DPYD: variants seen among roughly 807,000 people sequenced by gnomAD.
DPYD encodes the protein dihydropyrimidine dehydrogenase [NADP(+)].
In DPYD, 109 loss-of-function variants were observed where a neutral mutation model predicts 116.2. The ratio of observed to expected loss-of-function variants is 0.94; its 90% CI spans 0.80 to 1.10. The LOEUF (loss-of-function observed/expected upper bound fraction) is 1.10. Among genes scored for constraint, DPYD ranks in the 50% least tolerant of loss-of-function variants. The probability of loss-of-function intolerance (pLI) is 0.00; values close to 1 mark genes in which losing one functional copy is unlikely to be tolerated. For missense variants in DPYD, 1,302 were observed against 1,254.5 expected (o/e 1.04, Z -0.57); for synonymous variants, 440 against 432.0 (o/e 1.02, Z -0.23).
chr1:97,551,741 T>C (rs527906387), intron 11 of DPYD, among the ~76,000 whole-genome samples: 1 of 152,212 alleles, frequency 6.6e-6, no homozygotes, highest in South Asian at 2.1e-4. Flanking sequence ...GTCAAAGACA[T>C]GTTTACAGTC....
intron 20 of DPYD, among the ~76,000 whole-genome samples, chr1:97,184,045 G>A (rs1419747012): frequency 6.6e-6 from 1 of 152,012 alleles, no homozygotes; most frequent in Non-Finnish European, 1.5e-5. Flanking sequence ...GCATTAGTTT[G>A]CTAAAAATAA....
At chr1:97,883,522 C>A in intron 1 of DPYD, 148 bp from the exon 2 acceptor site, 1 of 656,618 alleles carries the variant, frequency 1.5e-6, no homozygotes, top group Non-Finnish European at 2.6e-6. Context: ...TCTCAGTTCA[C>A]TGCAACCTCT....
intron 12 of DPYD, among the ~76,000 whole-genome samples, chr1:97,540,833 C>A (rs1017499025): frequency 6.6e-6 from 1 of 152,142 alleles, no homozygotes; most frequent in African/African-American, 2.4e-5. Flanking sequence ...TCAGTCAACT[C>A]ATTAGCATAC....
chr1:97,515,869 T>C lies in DPYD; in HGVS notation c.1597A>G (p.Ile533Val). The C allele has an allele frequency of 6.2e-7, 1 of 1,612,964 alleles. No individual in the cohort carries two copies. Among genetic ancestry groups the C allele is most frequent in the Non-Finnish European group, 8.5e-7 (1 of 1,179,256 alleles). ...TTCAATCCGGCCATTTCTACACTAA[T>C]GTCCACCAGATCAATAGGAGTGTAA... ...LFYTPIDLVD[I>V]SVEMAGLKFI... The change falls in exon 13 of 23, where the codon ATT (isoleucine) becomes GTT (valine). Residue 533 changes from isoleucine to valine, a missense_variant. By Grantham distance (29) the Ile-to-Val change is conservative. Coordinates refer to ENST00000370192, the MANE Select transcript of DPYD (RefSeq NM_000110.4).
intron 8 of DPYD, among the ~76,000 whole-genome samples, chr1:97,603,642 C>G (rs1240059564): frequency 2.0e-5 from 3 of 152,102 alleles, no homozygotes; most frequent in African/African-American, 7.2e-5. Context: ...AAATGTAACT[C>G]ACATTCATTG....
intron 12 of DPYD, among the ~76,000 whole-genome samples, chr1:97,536,663 T>C (rs1264277241): frequency 6.6e-6 from 1 of 152,212 alleles, no homozygotes; most frequent in Non-Finnish European, 1.5e-5. Context: ...TTTGCCTGGC[T>C]AGGAGATTTG....
At chr1:97,481,498 CA>C (rs1678310246) in intron 13 of DPYD, among the ~76,000 whole-genome samples, 1 of 151,942 alleles carries the variant, frequency 6.6e-6, no homozygotes, top group Non-Finnish European at 1.5e-5. Flanking sequence ...GAACATTTCA[CA>C]GTGACAAAAA....
chr1:97,702,356 T>A (rs1001134227), intron 5 of DPYD, among the ~76,000 whole-genome samples: 2 of 151,766 alleles, frequency 1.3e-5, no homozygotes, highest in African/African-American at 4.8e-5. Context: ...GGATCTCTGA[T>A]CAGGGAACAG....
chr1:97,658,782 C>A (rs990863739), intron 8 of DPYD, among the ~76,000 whole-genome samples: 1 of 152,124 alleles, frequency 6.6e-6, no homozygotes, highest in African/African-American at 2.4e-5. Flanking sequence ...CCCAACTTTT[C>A]TAACCTACTA....
intron 18 of DPYD, among the ~76,000 whole-genome samples, chr1:97,288,335 C>T (rs912491653): frequency 6.6e-6 from 1 of 150,936 alleles, no homozygotes; most frequent in African/African-American, 2.4e-5. Context: ...ACCAAGGGGA[C>T]CTAATAGACA....
chr1:97,767,493 CTGTTT>C (rs1665926778), intron 3 of DPYD, among the ~76,000 whole-genome samples: 3 of 10,790 alleles, frequency 2.8e-4, no homozygotes, highest in Non-Finnish European at 8.7e-4. Context: ...TCTGCATGTT[CTGTTT>C]CCTCTCTGGA....
chr1:97,804,349 G>A (rs912301018), intron 3 of DPYD, among the ~76,000 whole-genome samples: 3 of 151,762 alleles, frequency 2.0e-5, no homozygotes, highest in Non-Finnish European at 4.4e-5. Context: ...AGACACGCTT[G>A]TGAGTAGTGA....
intron 18 of DPYD, among the ~76,000 whole-genome samples, chr1:97,270,119 T>C (rs1664484202): frequency 6.6e-6 from 1 of 152,128 alleles, no homozygotes; most frequent in Admixed American, 6.6e-5. Context: ...CAGAGTGGCA[T>C]ATAGAAAGCA....
intron 21 of DPYD, among the ~76,000 whole-genome samples, chr1:97,088,985 G>A: frequency 6.6e-6 from 1 of 152,066 alleles, no homozygotes; most frequent in East Asian, 1.9e-4. Flanking sequence ...ATGCTCCATA[G>A]TATCCAATAT....
chr1:97,900,523 C>T (rs1471611312), intron 1 of DPYD, among the ~76,000 whole-genome samples: 1 of 151,824 alleles, frequency 6.6e-6, no homozygotes, highest in African/African-American at 2.4e-5. Flanking sequence ...ATCACATCAG[C>T]TTAAGTATTT....
chr1:97,789,011 C>A (rs1667183810), intron 3 of DPYD, among the ~76,000 whole-genome samples: 1 of 152,054 alleles, frequency 6.6e-6, no homozygotes, highest in African/African-American at 2.4e-5. Flanking sequence ...ACCACGTTAC[C>A]CAGGCTGGTC....
chr1:97,559,392 G>A (rs967793415), intron 11 of DPYD, among the ~76,000 whole-genome samples: 18 of 152,008 alleles, frequency 1.2e-4, no homozygotes, highest in Admixed American at 1.0e-3. Context: ...TAAATCAAAT[G>A]GAAAAGATTC....
chr1:97,135,792 T>C (rs1653743243), intron 20 of DPYD, among the ~76,000 whole-genome samples: 1 of 152,202 alleles, frequency 6.6e-6, no homozygotes, highest in Non-Finnish European at 1.5e-5. Flanking sequence ...TAGCTGTCTT[T>C]TAAAAGCAGA....
At chr1:97,159,631 T>C (rs1233590729) in intron 20 of DPYD, among the ~76,000 whole-genome samples, 3 of 152,048 alleles carry the variant, frequency 2.0e-5, no homozygotes, top group Non-Finnish European at 2.9e-5. Context: ...GTTTCTAACA[T>C]TTTAATAATA....
Sources: allele counts gnomAD v4.1 joint callset (sites outside exome capture counted in the v4.1 genomes callset), GRCh38; gene constraint gnomAD v4.1.1; transcripts MANE v1.5; gene names NCBI Gene and HGNC (gene_info 2026-07-23, HGNC 2026-07-21).